Variants in SIPA1L1 observed in about 807,000 individuals in gnomAD.
SIPA1L1 encodes signal-induced proliferation-associated 1-like protein 1.
A neutral mutation model predicts 162.7 loss-of-function variants in SIPA1L1; 26 were observed. The ratio of observed to expected loss-of-function variants is 0.16; its 90% CI spans 0.12 to 0.22. The LOEUF (loss-of-function observed/expected upper bound fraction) is 0.22, where lower values mean the gene tolerates loss of function less well. SIPA1L1 is among the 10% of genes least tolerant of loss of function. The pLI, the probability that SIPA1L1 is intolerant of heterozygous loss-of-function variation, is 1.00. For synonymous variants in SIPA1L1, 829 were observed against 837.4 expected (o/e 0.99, Z 0.17); for missense variants, 1,874 against 2,241.0 (o/e 0.84, Z 3.31).
Position 71,588,836 on chromosome 14 carries a change from G to C in SIPA1L1, c.964G>C (p.Val322Leu), listed in dbSNP as rs762550387. The change falls in exon 5 of 24, where the codon GTC becomes CTC. Residue 322 changes from valine to leucine, a missense_variant. Coordinates refer to ENST00000381232, the MANE Select transcript of SIPA1L1 (RefSeq NM_001386936.1). This position sits in a 1 kb window ranked among gnomAD's most constrained non-coding sequence, Gnocchi z 4.3. ...TGAAGATAACCGATCAGAAGACTCT[G>C]TCAGGCCCTGGACATGTCCAAAGTG... ...DLEDNRSEDS[V>L]RPWTCPKCFA... The C allele has an allele frequency of 6.2e-6, 10 of 1,613,994 alleles. 2 individuals are homozygous for C. The South Asian group carries it at 1.1e-4, about 18-fold the overall frequency.
intron 5 of SIPA1L1, among the ~76,000 whole-genome samples, chr14:71,614,265 T>G (rs1313866075): frequency 1.3e-5 from 2 of 152,012 alleles, no homozygotes; most frequent in Non-Finnish European, 2.9e-5. Flanking sequence ...CATGGTGATT[T>G]GCTGAATGAA....
chr14:71,627,131 C>CTTTTTTTTTTTTTTTT (rs71105788), intron 7 of SIPA1L1, among the ~76,000 whole-genome samples: 7 of 48,788 alleles, frequency 1.4e-4, no homozygotes, highest in African/African-American at 2.5e-4. Flanking sequence ...ACTTTCACTA[C>CTTTTTTTTTTTTTTTT]TTTTTTTTTT....
intron 2 of SIPA1L1, among the ~76,000 whole-genome samples, chr14:71,393,141 G>A (rs61991246): frequency 0.22 from 33,828 of 152,054 alleles, 3,941 homozygotes; most frequent in Middle Eastern, 0.37. Flanking sequence ...ATAGGATATC[G>A]ATATATGGAG....
intron 4 of SIPA1L1, among the ~76,000 whole-genome samples, chr14:71,544,031 A>G (rs932962960): frequency 4.1e-5 from 6 of 147,584 alleles, no homozygotes; most frequent in Non-Finnish European, 8.9e-5. Flanking sequence ...ACGCACATGT[A>G]TGTATATACA....
intron 12 of SIPA1L1, among the ~76,000 whole-genome samples, chr14:71,685,035 C>T (rs141895591): frequency 1.3e-5 from 2 of 152,296 alleles, no homozygotes; most frequent in African/African-American, 4.8e-5. Flanking sequence ...GGTATGCCCC[C>T]GTCATGCTGT....
intron 2 of SIPA1L1, among the ~76,000 whole-genome samples, chr14:71,431,148 G>T (rs1191170646): frequency 6.6e-6 from 1 of 152,126 alleles, no homozygotes; most frequent in Non-Finnish European, 1.5e-5. Flanking sequence ...ACAGATCCTT[G>T]TTCTGCTTTT....
intron 2 of SIPA1L1, among the ~76,000 whole-genome samples, chr14:71,323,271 T>G (rs1859920222): frequency 6.6e-6 from 1 of 152,238 alleles, no homozygotes; most frequent in Non-Finnish European, 1.5e-5. Flanking sequence ...GTGATGTATA[T>G]ATGTTCTATC....
intron 4 of SIPA1L1, among the ~76,000 whole-genome samples, chr14:71,532,259 A>T (rs1238254001): frequency 6.6e-6 from 1 of 152,172 alleles, no homozygotes; most frequent in African/African-American, 2.4e-5. Context: ...GTTGGGTTTT[A>T]AGGGGAAAAG....
At chr14:71,657,373 T>A (rs1160103818) in intron 8 of SIPA1L1, among the ~76,000 whole-genome samples, 1 of 147,150 alleles carries the variant, frequency 6.8e-6, no homozygotes, top group African/African-American at 2.5e-5. Context: ...AAAAATTGGG[T>A]TGATAGAGGG....
intron 7 of SIPA1L1, among the ~76,000 whole-genome samples, chr14:71,636,145 A>G (rs575081989): frequency 6.6e-6 from 1 of 152,372 alleles, no homozygotes; most frequent in African/African-American, 2.4e-5. Flanking sequence ...AACAATGGAA[A>G]GGAAAACTAG....
At chr14:71,402,143 G>T (rs1177518666) in intron 2 of SIPA1L1, among the ~76,000 whole-genome samples, 1 of 151,866 alleles carries the variant, frequency 6.6e-6, no homozygotes, top group Non-Finnish European at 1.5e-5. Flanking sequence ...AAAAAATATG[G>T]CTAATAATTA....
intron 5 of SIPA1L1, among the ~76,000 whole-genome samples, chr14:71,604,708 T>C (rs1030103256): frequency 2.6e-5 from 4 of 152,216 alleles, no homozygotes; most frequent in Non-Finnish European, 5.9e-5. Flanking sequence ...CCCCAGCACT[T>C]CTAATATATC....
At chr14:71,623,931 C>A (rs1336023095) in intron 6 of SIPA1L1, 117 bp from the exon 7 acceptor site, 5 of 778,056 alleles carry the variant, frequency 6.4e-6, no homozygotes, top group Non-Finnish European at 1.0e-5. Context: ...CTTTACCCAT[C>A]AAAAATCATT....
At chr14:71,620,605 G>T (rs2039330788) in intron 6 of SIPA1L1, among the ~76,000 whole-genome samples, 2 of 152,122 alleles carry the variant, frequency 1.3e-5, no homozygotes, top group Non-Finnish European at 2.9e-5. Context: ...CCTGTCACTG[G>T]TTTCCATGAG....
At chr14:71,655,999 AAGT>A (rs2043025623) in intron 8 of SIPA1L1, among the ~76,000 whole-genome samples, 6 of 152,170 alleles carry the variant, frequency 3.9e-5, no homozygotes, top group Admixed American at 3.9e-4. Context: ...TACCTCTATG[AAGT>A]GCATAGTAAT....
chr14:71,534,785 G>A (rs1370473255), intron 4 of SIPA1L1, among the ~76,000 whole-genome samples: 1 of 152,180 alleles, frequency 6.6e-6, no homozygotes. Context: ...TAAAGATGGA[G>A]AAGCCAATGT....
intron 3 of SIPA1L1, among the ~76,000 whole-genome samples, chr14:71,515,892 T>C (rs1205807430): frequency 1.3e-5 from 2 of 152,224 alleles, no homozygotes; most frequent in Admixed American, 6.5e-5. Context: ...TCCGCCTGCC[T>C]CAGCCTCCCA....
intron 4 of SIPA1L1, among the ~76,000 whole-genome samples, chr14:71,563,030 G>A (rs2056916032): frequency 6.6e-6 from 1 of 152,204 alleles, no homozygotes; most frequent in Non-Finnish European, 1.5e-5. Flanking sequence ...TCCCTGGACT[G>A]TAACTCCATG....
At chr14:71,354,591 T>A (rs2037059608) in intron 2 of SIPA1L1, among the ~76,000 whole-genome samples, 1 of 150,668 alleles carries the variant, frequency 6.6e-6, no homozygotes, top group South Asian at 2.1e-4. Context: ...ACTTCATTTC[T>A]TAAAAAAAAA....
Sources: allele counts gnomAD v4.1 joint callset (sites outside exome capture counted in the v4.1 genomes callset), GRCh38; gene constraint gnomAD v4.1.1; non-coding constraint Gnocchi (gnomAD v3.1); transcripts MANE v1.5; gene names NCBI Gene and HGNC (gene_info 2026-07-23, HGNC 2026-07-21).